HTR1F: variants seen among roughly 807,000 people sequenced by gnomAD.
HTR1F encodes the protein 5-hydroxytryptamine receptor 1F.
HTR1F carries 17 observed loss-of-function variants against 24.0 expected under a neutral mutation model. The ratio of observed to expected loss-of-function variants is 0.71; its 90% confidence interval spans 0.48 to 1.06. HTR1F has a LOEUF of 1.06. Among genes scored for constraint, HTR1F ranks in the 50% least tolerant of loss-of-function variants. The pLI is 0.00. For missense variants in HTR1F, 391 were observed against 427.8 expected (o/e 0.91, Z 0.76); for synonymous variants, 186 against 156.8 (o/e 1.19, Z -1.39).
chr3:87,955,666 G>A (rs1414521964), intron 2 of HTR1F, among the ~76,000 whole-genome samples: 1 of 151,352 alleles, frequency 6.6e-6, no homozygotes, highest in African/African-American at 2.4e-5. Context: ...TATTAATAAT[G>A]CATGAAGATT....
intron 2 of HTR1F, among the ~76,000 whole-genome samples, chr3:87,893,824 T>C (rs1290813179): frequency 2.0e-5 from 3 of 152,328 alleles, no homozygotes; most frequent in African/African-American, 7.2e-5. Context: ...GTGTCATTAA[T>C]TTCATTATAA....
intron 2 of HTR1F, among the ~76,000 whole-genome samples, chr3:87,932,229 T>C (rs1484386038): frequency 2.0e-5 from 3 of 152,170 alleles, no homozygotes; most frequent in Non-Finnish European, 4.4e-5. Flanking sequence ...GTATAAGGTG[T>C]AAGGAAGGGA....
chr3:87,975,450 C>T (rs1297580598), intron 2 of HTR1F, among the ~76,000 whole-genome samples: 1 of 152,094 alleles, frequency 6.6e-6, no homozygotes, highest in African/African-American at 2.4e-5. Context: ...CCTTTCTTAT[C>T]ATTCAAATAC....
intron 2 of HTR1F, among the ~76,000 whole-genome samples, chr3:87,871,651 T>C (rs927659169): frequency 1.5e-4 from 23 of 151,948 alleles, no homozygotes; most frequent in African/African-American, 5.1e-4. Flanking sequence ...AAAAATTATC[T>C]TGAAAGCCCC....
intron 2 of HTR1F, among the ~76,000 whole-genome samples, chr3:87,842,274 C>T (rs1477918058): frequency 6.6e-6 from 1 of 151,680 alleles, no homozygotes; most frequent in Non-Finnish European, 1.5e-5. Flanking sequence ...CAATTCTCTG[C>T]CTCAGCCTCC....
chr3:87,877,124 A>G (rs1384741846), intron 2 of HTR1F, among the ~76,000 whole-genome samples: 5 of 152,186 alleles, frequency 3.3e-5, no homozygotes, highest in African/African-American at 1.2e-4. Context: ...ATATAGAAGC[A>G]TACAAGATTT....
At chr3:87,977,036 T>C (rs1337020345) in intron 2 of HTR1F, among the ~76,000 whole-genome samples, 4 of 152,186 alleles carry the variant, frequency 2.6e-5, no homozygotes, top group Non-Finnish European at 5.9e-5. Context: ...ACTTACATAA[T>C]AGGAGAATAT....
chr3:87,796,575 G>A (rs1391270815), intron 1 of HTR1F, among the ~76,000 whole-genome samples: 3 of 152,136 alleles, frequency 2.0e-5, no homozygotes, highest in Non-Finnish European at 2.9e-5. Context: ...AAGAGGGTAG[G>A]AGCCATAAAA....
chr3:87,910,964 G>A (rs1703765532), intron 2 of HTR1F, among the ~76,000 whole-genome samples: 1 of 151,910 alleles, frequency 6.6e-6, no homozygotes, highest in African/African-American at 2.4e-5. Flanking sequence ...CTAGGACACA[G>A]CTAAGGCAAT....
chr3:87,961,084 T>C (rs1281848092), intron 2 of HTR1F, among the ~76,000 whole-genome samples: 1 of 152,010 alleles, frequency 6.6e-6, no homozygotes, highest in African/African-American at 2.4e-5. Context: ...GGTTCCCCTA[T>C]GAGAGATGTC....
At position 87,991,474 on chromosome 3, in the gene HTR1F, C is replaced by T; in HGVS notation, c.725C>T (p.Ser242Phe). ...GGTGAGAAAAGCACTAAATCAGTTT[C>T]CACATCCTATGTACTAGAAAAGTCT... Reference protein sequence around the residue: ...ESGEKSTKSVSTSYVLEKSLS... With the variant: ...ESGEKSTKSVFTSYVLEKSLS... The change falls in exon 3 of 3, where the codon TCC (serine) becomes TTC (phenylalanine). Residue 242 changes from serine to phenylalanine, a missense_variant. Physicochemically the swap from Ser to Phe is radical, Grantham distance 155. Transcript: ENST00000319595. 6.2e-7 allele frequency: 1 copy of T among 1,614,060 alleles called. No individual in the cohort carries two copies. The highest frequency in any genetic ancestry group is 8.5e-7 in the Non-Finnish European group (1 of 1,179,988).
chr3:87,805,022 C>T (rs1704051031), intron 1 of HTR1F, among the ~76,000 whole-genome samples: 1 of 151,778 alleles, frequency 6.6e-6, no homozygotes, highest in Admixed American at 6.6e-5. Flanking sequence ...ATACTAATGC[C>T]ATGTCTTTGA....
chr3:87,873,095 TACAC>T (rs61407734), intron 2 of HTR1F, among the ~76,000 whole-genome samples: 11,143 of 135,032 alleles, frequency 0.083, 966 homozygotes, highest in African/African-American at 0.23. Flanking sequence ...CATGCATACA[TACAC>T]ACACACACAC....
In HTR1F at chr3:87,881,120, C is replaced by T. The variant is rs142620310; in HGVS notation, c.-43+58996C>T. ...CCACGGAGGGTGAGCCTAAGCAGGG[C>T]GGGGCATTGCCTCACCTGGGAAGTG... On this transcript the variant is annotated intron_variant, in intron 2 of 2. Transcript: ENST00000319595. 5.1e-3 allele frequency among the ~76,000 whole-genome samples: 784 copies of T among 152,250 alleles called. 8 individuals carry two copies. The highest frequency in any genetic ancestry group is 0.01 in the Middle Eastern group (3 of 294).
At chr3:87,833,507 C>T (rs1704624111) in intron 2 of HTR1F, among the ~76,000 whole-genome samples, 1 of 152,036 alleles carries the variant, frequency 6.6e-6, no homozygotes, top group African/African-American at 2.4e-5. Context: ...ATTTATAAAG[C>T]ACTTAAAAAA....
intron 2 of HTR1F, among the ~76,000 whole-genome samples, chr3:87,918,136 A>G (rs561209044): frequency 1.3e-5 from 2 of 152,050 alleles, no homozygotes; most frequent in South Asian, 4.1e-4. Context: ...TATCTCCATA[A>G]ATGCAGAAAA....
chr3:87,931,164 C>T (rs1690332153), intron 2 of HTR1F, among the ~76,000 whole-genome samples: 2 of 151,810 alleles, frequency 1.3e-5, no homozygotes, highest in Middle Eastern at 3.4e-3. Context: ...CATCATTTAG[C>T]ATTAGGTATA....
At chr3:87,881,296 C>T (rs1220022474) in intron 2 of HTR1F, among the ~76,000 whole-genome samples, 7 of 152,198 alleles carry the variant, frequency 4.6e-5, no homozygotes, top group Admixed American at 2.0e-4. Context: ...CATGGCTTGG[C>T]GGGTCCCACA....
chr3:87,828,848 G>A (rs1377869564), intron 2 of HTR1F, among the ~76,000 whole-genome samples: 17 of 152,032 alleles, frequency 1.1e-4, no homozygotes, highest in Admixed American at 1.1e-3. Flanking sequence ...TCAACCTTCT[G>A]GACGAAACAG....
Sources: gnomAD v4.1 joint callset for allele counts (sites outside exome capture counted in the v4.1 genomes callset) on GRCh38, gnomAD v4.1.1 for gene constraint, MANE v1.5 for transcripts, NCBI Gene and HGNC (gene_info 2026-07-23, HGNC 2026-07-21) for gene names.